The following METTL25 variants were observed in gnomAD, a reference collection of about 807,000 sequenced individuals.
METTL25 encodes methyltransferase like 25.
A neutral mutation model predicts 71.6 loss-of-function variants in METTL25; 64 were observed. That is an observed-to-expected ratio of 0.89 (90% CI 0.73 to 1.10). METTL25 has a LOEUF of 1.10. Ranked by LOEUF, METTL25 falls within the 50% of genes least tolerant of loss-of-function variation. The probability of loss-of-function intolerance (pLI) is 0.00; values close to 1 mark genes in which losing one functional copy is unlikely to be tolerated. For synonymous variants in METTL25, 287 were observed against 250.3 expected (o/e 1.15, Z -1.38); for missense variants, 807 against 707.0 (o/e 1.14, Z -1.60).
At chr12:82,442,959 T>A (rs1447600722) in intron 8 of METTL25, among the ~76,000 whole-genome samples, 1 of 142,538 alleles carries the variant, frequency 7.0e-6, no homozygotes, top group Non-Finnish European at 1.6e-5. Context: ...AAAGAAATAA[T>A]TAATGAACTG....
At chr12:82,467,288 T>G (rs1261433673) in intron 9 of METTL25, among the ~76,000 whole-genome samples, 1 of 152,140 alleles carries the variant, frequency 6.6e-6, no homozygotes, top group African/African-American at 2.4e-5. Flanking sequence ...GCTTACCTCT[T>G]ATTTATTTTT....
In METTL25 at chr12:82,387,009, T is replaced by C. The variant is rs1885102128; in HGVS notation, c.424+42T>C. On this transcript the variant is annotated intron_variant, in intron 2 of 11. Transcript: ENST00000248306. ...GTGTGTATGTGTGCTTTTTAGGTAC[T>C]TAGAAGCAATACTTTGTTCATATAT... 2.7e-6 allele frequency: 4 copies of C among 1,499,172 alleles called. No individual in the cohort carries two copies. The African/African-American group carries it at 4.2e-5, about 16-fold the overall frequency. 92.9% of individuals were successfully genotyped at this position (1,499,172 alleles called of 1,614,324 possible). A position where few individuals can be genotyped will look rare whatever the true frequency, so the allele number is the denominator to read the frequency against.
intron 8 of METTL25, among the ~76,000 whole-genome samples, chr12:82,451,906 A>G (rs2038703846): frequency 6.6e-6 from 1 of 152,126 alleles, no homozygotes; most frequent in South Asian, 2.1e-4. Flanking sequence ...TATCTTAGGA[A>G]CACAGTGTGA....
At chr12:82,405,967 A>T (rs1887054086) in intron 5 of METTL25, among the ~76,000 whole-genome samples, 2 of 152,234 alleles carry the variant, frequency 1.3e-5, no homozygotes, top group African/African-American at 4.8e-5. Flanking sequence ...AGAGTATGTT[A>T]TTGCACTGAA....
intron 8 of METTL25, among the ~76,000 whole-genome samples, chr12:82,451,794 A>G (rs1434260428): frequency 6.6e-6 from 1 of 152,172 alleles, no homozygotes; most frequent in African/African-American, 2.4e-5. Context: ...TTTCTTTAAT[A>G]TCACAAATAT....
In METTL25 at chr12:82,477,284, A is replaced by G. The variant is rs747373480; in HGVS notation, c.1651A>G (p.Lys551Glu). The stretch of plus-strand genomic sequence containing the variant: ...CTATCTAATTTTTTTATTTTAGTTG[A>G]AAGTTGTACTGGCTCCCTGTATAGA... The part of the protein sequence containing the change: ...MNELEAFNML[K>E]VVLAPCIETL... The change falls in exon 11 of 12, where the codon AAA becomes GAA. Residue 551 changes from lysine (K) to glutamate (E), a missense_variant. Transcript: ENST00000248306. 1.3e-6 allele frequency: 2 copies of G among 1,525,042 alleles called. No homozygotes were observed. Among genetic ancestry groups the G allele is most frequent in the South Asian group, 1.3e-5 (1 of 78,282 alleles). 94.5% of individuals were successfully genotyped at this position (1,525,042 alleles called of 1,614,324 possible).
Position 82,392,080 on chromosome 12 carries a change from TTTTA to T in METTL25, c.531+2170_531+2173del, listed in dbSNP as rs986379065. 9.3e-5 allele frequency among the ~76,000 whole-genome samples: 14 copies of T among 150,646 alleles called. 1 individual carries two copies. Among genetic ancestry groups the T allele is most frequent in the Admixed American group, 4.6e-4 (7 of 15,152 alleles). On this transcript the variant is annotated intron_variant, in intron 3 of 11. Coordinates refer to ENST00000248306, the MANE Select transcript of METTL25 (RefSeq NM_032230.3). The stretch of plus-strand genomic sequence containing the variant: ...TTTTGCCCATTTTTATTTTTTTATT[TTTTA>T]TTTATTTATTTTTTATTTATTTTAT...
intron 1 of METTL25, among the ~76,000 whole-genome samples, chr12:82,369,882 ATACAGAGTGCTGATTGGTGCGTTTT>A (rs1362134370): frequency 5.3e-5 from 8 of 152,126 alleles, no homozygotes; most frequent in Non-Finnish European, 1.2e-4. Context: ...CTTTAGCTAG[ATACAGAGTGCTGATTGGTGCGTTTT>A]TACAGAGTGC....
chr12:82,479,093 A>G lies in METTL25; in HGVS notation c.*69A>G. 4.6e-6 allele frequency: 6 copies of G among 1,308,462 alleles called. No homozygotes were observed. The highest frequency in any genetic ancestry group is 1.3e-5 in the South Asian group (1 of 79,868). 81.1% of individuals were successfully genotyped at this position (1,308,462 alleles called of 1,614,324 possible). ...TGTTGCTGAGATTGCTTTTCTAAAC[A>G]TATATGTCCTGTTATACAAAAATTT... On this transcript the variant is annotated 3_prime_UTR_variant, in exon 12 of 12. Coordinates refer to ENST00000248306, the MANE Select transcript of METTL25 (RefSeq NM_032230.3).
At chr12:82,435,497 T>C (rs1039776034) in intron 7 of METTL25, among the ~76,000 whole-genome samples, 2 of 151,496 alleles carry the variant, frequency 1.3e-5, no homozygotes, top group African/African-American at 4.8e-5. Context: ...TTAAAATTGA[T>C]AAAATCTGAT....
intron 9 of METTL25, among the ~76,000 whole-genome samples, chr12:82,461,204 T>C (rs1347986670): frequency 6.6e-6 from 1 of 152,140 alleles, no homozygotes; most frequent in Non-Finnish European, 1.5e-5. Context: ...GAGTATACAG[T>C]ATATGGAAAT....
At chr12:82,397,237 C>G (rs566640099) in intron 3 of METTL25, among the ~76,000 whole-genome samples, 54 of 152,150 alleles carry the variant, frequency 3.5e-4, no homozygotes, top group African/African-American at 1.2e-3. Flanking sequence ...TTGTATTTCT[C>G]TAGTGATATT....
intron 5 of METTL25, among the ~76,000 whole-genome samples, chr12:82,422,494 G>T (rs1193674858): frequency 1.3e-5 from 2 of 152,172 alleles, no homozygotes; most frequent in African/African-American, 4.8e-5. Context: ...ACAAGACAGG[G>T]ATGCCCTCTC....
At chr12:82,477,479 A>G (rs1004186562) in intron 11 of METTL25, 127 bp downstream of exon 11, 5 of 465,622 alleles carry the variant, frequency 1.1e-5, no homozygotes, top group East Asian at 9.9e-5. Context: ...TTATATTTTC[A>G]TAGTTTAAAT....
At chr12:82,418,106 G>T (rs929116230) in intron 5 of METTL25, among the ~76,000 whole-genome samples, 1 of 152,102 alleles carries the variant, frequency 6.6e-6, no homozygotes, top group Non-Finnish European at 1.5e-5. Context: ...GCAAGAGATA[G>T]TTAAATTCTG....
At chr12:82,388,553 A>G (rs574277760) in intron 2 of METTL25, among the ~76,000 whole-genome samples, 2 of 152,160 alleles carry the variant, frequency 1.3e-5, no homozygotes, top group South Asian at 2.1e-4. Flanking sequence ...CATCAAGGGT[A>G]TAAATCCTTG....
chr12:82,465,418 A>G (rs1260186354), intron 9 of METTL25, among the ~76,000 whole-genome samples: 1 of 151,938 alleles, frequency 6.6e-6, no homozygotes, highest in Non-Finnish European at 1.5e-5. Context: ...TGCTTTGTGT[A>G]TGTTGAAGCA....
rs548948020 is a variant in METTL25, at chr12:82,382,374, T to C, written c.260-4429T>C. On this transcript the variant is annotated intron_variant, in intron 1 of 11. Coordinates refer to ENST00000248306, the MANE Select transcript of METTL25 (RefSeq NM_032230.3). Reference sequence around the variant, plus strand: ...TAGTACATAATTGCGTTTTACTTTATGTCACATTCTAAATGTTTTAAATCA... The same window carrying C: ...TAGTACATAATTGCGTTTTACTTTACGTCACATTCTAAATGTTTTAAATCA... Among the ~76,000 whole-genome samples the C allele has an allele frequency of 1.9e-3, 283 of 152,322 alleles. 2 individuals are homozygous for C. Among genetic ancestry groups the C allele is most frequent in the Non-Finnish European group, 3.0e-3 (204 of 68,022 alleles).
chr12:82,391,213 C>CT (rs1451495111), intron 3 of METTL25, among the ~76,000 whole-genome samples: 1 of 151,926 alleles, frequency 6.6e-6, no homozygotes, highest in East Asian at 1.9e-4. Flanking sequence ...AAGAACTGGA[C>CT]TTAGATTTTA....
Sources: allele counts gnomAD v4.1 joint callset (sites outside exome capture counted in the v4.1 genomes callset), GRCh38; gene constraint gnomAD v4.1.1; transcripts MANE v1.5; gene names NCBI Gene and HGNC (gene_info 2026-07-23, HGNC 2026-07-21).